METTL15: variants seen among roughly 807,000 people sequenced by gnomAD.
METTL15 encodes methyltransferase 15, mitochondrial 12S rRNA N4-cytidine.
In METTL15, 34 loss-of-function variants were observed where a neutral mutation model predicts 38.3. The ratio of observed to expected loss-of-function variants is 0.89; its 90% confidence interval spans 0.68 to 1.18. The LOEUF is 1.18. METTL15 is among the 50% of genes most tolerant of loss of function. The pLI is 0.00. For missense variants in METTL15, 438 were observed against 498.4 expected (o/e 0.88, Z 1.15); for synonymous variants, 162 against 170.9 (o/e 0.95, Z 0.41).
intron 6 of METTL15, among the ~76,000 whole-genome samples, chr11:28,323,452 G>A (rs561045645): frequency 6.6e-5 from 10 of 152,138 alleles, no homozygotes; most frequent in Admixed American, 2.0e-4. Flanking sequence ...CATAAGCATA[G>A]TTAGAGACTG....
At position 28,174,597 on chromosome 11, in the gene METTL15, G is replaced by A. The variant is rs140787815; in HGVS notation, c.271-36465G>A. Among the ~76,000 whole-genome samples, 510 of 151,658 alleles carry A rather than the reference G, an allele frequency of 3.4e-3. 5 individuals carry two copies. The highest frequency in any genetic ancestry group is 0.012 in the African/African-American group (491 of 41,376). ...TGGGAGGCTGAGGCGGGCATATCAC[G>A]AGGTCAGGAGATTGAGACCATCCTG... On this transcript the variant is annotated intron_variant, in intron 3 of 6. Coordinates refer to ENST00000407364, the MANE Select transcript of METTL15 (RefSeq NM_001113528.2).
At chr11:28,294,467 C>T (rs1856652493) in intron 5 of METTL15, among the ~76,000 whole-genome samples, 1 of 152,168 alleles carries the variant, frequency 6.6e-6, no homozygotes, top group African/African-American at 2.4e-5. Flanking sequence ...AGTTTATTCT[C>T]TGCTGATTCC....
At chr11:28,300,212 A>G (rs1012464628) in intron 6 of METTL15, among the ~76,000 whole-genome samples, 2 of 152,152 alleles carry the variant, frequency 1.3e-5, no homozygotes, top group East Asian at 1.9e-4. Flanking sequence ...ATAATATGCA[A>G]TGACTATATT....
intron 5 of METTL15, among the ~76,000 whole-genome samples, chr11:28,390,174 A>G (rs912575773): frequency 6.6e-6 from 1 of 151,874 alleles, no homozygotes; most frequent in East Asian, 1.9e-4. Context: ...GCCATTCTGT[A>G]GGTTGCCTGT....
At chr11:28,382,804 C>A (rs551432882) in intron 5 of METTL15, among the ~76,000 whole-genome samples, 1 of 151,046 alleles carries the variant, frequency 6.6e-6, no homozygotes, top group Admixed American at 6.6e-5. Context: ...CACTGCACTG[C>A]AGCCTGGGCA....
At chr11:28,161,910 C>A (rs1168738673) in intron 3 of METTL15, among the ~76,000 whole-genome samples, 1 of 151,994 alleles carries the variant, frequency 6.6e-6, no homozygotes, top group African/African-American at 2.4e-5. Flanking sequence ...GGGTCACTTA[C>A]AGAGCAGGAA....
chr11:28,167,618 T>C (rs1044640552), intron 3 of METTL15, among the ~76,000 whole-genome samples: 2 of 151,982 alleles, frequency 1.3e-5, no homozygotes, highest in Non-Finnish European at 2.9e-5. Context: ...AATGAGAGCC[T>C]AATGGATCAT....
At chr11:28,283,622 C>T (rs1016929690) in intron 4 of METTL15, among the ~76,000 whole-genome samples, 2 of 152,132 alleles carry the variant, frequency 1.3e-5, no homozygotes, top group East Asian at 1.9e-4. Context: ...AGATTTATAA[C>T]TTGTACTACA....
intron 3 of METTL15, among the ~76,000 whole-genome samples, chr11:28,182,172 G>A (rs1032843682): frequency 6.6e-6 from 1 of 151,956 alleles, no homozygotes; most frequent in Non-Finnish European, 1.5e-5. Flanking sequence ...TTTGTCAGAT[G>A]GATAGATTGT....
At chr11:28,236,881 G>T (rs985708122) in intron 4 of METTL15, among the ~76,000 whole-genome samples, 3 of 152,146 alleles carry the variant, frequency 2.0e-5, no homozygotes, top group Admixed American at 2.0e-4. Flanking sequence ...GGCTGGATAT[G>T]AAATTCTGGG....
intron 3 of METTL15, among the ~76,000 whole-genome samples, chr11:28,177,661 A>T (rs1353014697): frequency 6.6e-6 from 1 of 151,966 alleles, no homozygotes; most frequent in African/African-American, 2.4e-5. Flanking sequence ...TTTGATGTTG[A>T]ATGTTTTCTA....
downstream of METTL15, among the ~76,000 whole-genome samples, chr11:28,527,267 G>T (rs1851818612): frequency 6.6e-6 from 1 of 152,168 alleles, no homozygotes; most frequent in South Asian, 2.1e-4. Flanking sequence ...TTGACTCATA[G>T]TTTTTCTTAT....
chr11:28,383,155 G>A (rs377364804), intron 5 of METTL15, among the ~76,000 whole-genome samples: 17 of 151,800 alleles, frequency 1.1e-4, no homozygotes, highest in South Asian at 4.2e-4. Flanking sequence ...ATCTATTGTC[G>A]CCTTCTTTGT....
At chr11:28,322,345 G>A (rs1849498893) in intron 6 of METTL15, among the ~76,000 whole-genome samples, 1 of 152,024 alleles carries the variant, frequency 6.6e-6, no homozygotes, top group African/African-American at 2.4e-5. Flanking sequence ...ATCACATCAG[G>A]AAAATGGATA....
At chr11:28,284,834 A>G (rs1856190189) in intron 4 of METTL15, among the ~76,000 whole-genome samples, 1 of 152,098 alleles carries the variant, frequency 6.6e-6, no homozygotes, top group Non-Finnish European at 1.5e-5. Context: ...CATGGAGAAT[A>G]TTTTTTTATA....
intron 6 of METTL15, among the ~76,000 whole-genome samples, chr11:28,439,386 A>T (rs1851014560): frequency 6.6e-6 from 1 of 152,226 alleles, no homozygotes; most frequent in Non-Finnish European, 1.5e-5. Flanking sequence ...CAGGATGAAG[A>T]CAGCAGAAAT....
intron 6 of METTL15, among the ~76,000 whole-genome samples, chr11:28,501,608 C>A (rs1035481327): frequency 6.6e-6 from 1 of 152,120 alleles, no homozygotes; most frequent in Non-Finnish European, 1.5e-5. Flanking sequence ...CACACCGTCA[C>A]GGAAGATACC....
At chr11:28,479,065 G>A (rs1590388920) in intron 6 of METTL15, among the ~76,000 whole-genome samples, 1 of 54,258 alleles carries the variant, frequency 1.8e-5, no homozygotes, top group South Asian at 5.4e-4. Flanking sequence ...CTTTGTGTGT[G>A]TGTGTGTGTG....
chr11:28,236,866 C>T (rs143182792), intron 4 of METTL15, among the ~76,000 whole-genome samples: 6 of 152,068 alleles, frequency 3.9e-5, no homozygotes, highest in East Asian at 1.9e-4. Context: ...TATGAAGCTT[C>T]GTTTGGCTGG....
Sources: gnomAD v4.1 joint callset for allele counts (sites outside exome capture counted in the v4.1 genomes callset) on GRCh38, gnomAD v4.1.1 for gene constraint, MANE v1.5 for transcripts, NCBI Gene and HGNC (gene_info 2026-07-23, HGNC 2026-07-21) for gene names.